TUSC3: variants seen among roughly 807,000 people sequenced by gnomAD.
The protein encoded by TUSC3 is tumor suppressor candidate 3.
TUSC3 carries 45 observed loss-of-function variants against 44.8 expected under a neutral mutation model. The observed-to-expected ratio is 1.00, with a 90% CI of 0.79 to 1.29. TUSC3 has a LOEUF of 1.29. TUSC3 is among the 50% of genes most tolerant of loss of function. TUSC3 has a pLI of 0.00. For missense variants in TUSC3, 519 were observed against 437.9 expected, an observed-to-expected ratio of 1.19 and a Z score of -1.65; for synonymous variants, 212 against 152.9, an observed-to-expected ratio of 1.39 and a Z score of -2.85.
At chr8:15,839,278 T>C in the TUSC3 span, among the ~76,000 whole-genome samples, 11 of 152,132 alleles carry the variant, frequency 7.2e-5, no homozygotes, top group African/African-American at 2.7e-4. Flanking sequence ...TGGGGTTTTC[T>C]AAATATACAA....
At chr8:15,458,031 T>C (rs1021835555) in intron 1 of TUSC3, among the ~76,000 whole-genome samples, 1 of 151,928 alleles carries the variant, frequency 6.6e-6, no homozygotes, top group Non-Finnish European at 1.5e-5. Context: ...GGCCAAATAA[T>C]TCAAAACATA....
chr8:15,719,264 CT>C (rs1313053164), intron 6 of TUSC3, among the ~76,000 whole-genome samples: 1 of 152,008 alleles, frequency 6.6e-6, no homozygotes, highest in African/African-American at 2.4e-5. Context: ...GGCCTTCATG[CT>C]GGCCATTATT....
chr8:15,539,354 T>TA (rs1563278528), upstream of TUSC3, among the ~76,000 whole-genome samples: 1 of 130,110 alleles, frequency 7.7e-6, no homozygotes, highest in Admixed American at 7.8e-5. Flanking sequence ...TCTTTTTTTT[T>TA]TTTTTTTTTT....
At chr8:15,449,857 G>A (rs1208972454) in intron 1 of TUSC3, among the ~76,000 whole-genome samples, 1 of 151,812 alleles carries the variant, frequency 6.6e-6, no homozygotes, top group African/African-American at 2.4e-5. Flanking sequence ...TTTTTTTACT[G>A]TACCTTTTTT....
intron 2 of TUSC3, among the ~76,000 whole-genome samples, chr8:15,633,883 A>G (rs990298134): frequency 1.3e-5 from 2 of 152,120 alleles, no homozygotes; most frequent in African/African-American, 4.8e-5. Context: ...ACCCAGAGAA[A>G]CTGATACACC....
At chr8:15,423,118 G>C (rs981547175) in intron 1 of TUSC3, among the ~76,000 whole-genome samples, 2 of 152,046 alleles carry the variant, frequency 1.3e-5, no homozygotes, top group African/African-American at 2.4e-5. Context: ...GTGTTTCTTA[G>C]TTTCTTATAA....
chr8:15,743,471 C>A, intron 7 of TUSC3, 67 bp from the exon 8 acceptor site: 1 of 1,525,054 alleles, frequency 6.6e-7, no homozygotes, highest in Non-Finnish European at 9.1e-7. Context: ...ACATTGTGTT[C>A]AGAGCCAGAA....
At chr8:15,529,858 C>T (rs959229404) in intron 2 of TUSC3, among the ~76,000 whole-genome samples, 1 of 100,208 alleles carries the variant, frequency 1.0e-5, no homozygotes, top group Non-Finnish European at 1.8e-5. Flanking sequence ...ACTGCAATGG[C>T]GCAATCTCGG....
At chr8:15,798,650 G>GGGGT in the TUSC3 span, among the ~76,000 whole-genome samples, 1 of 87,490 alleles carries the variant, frequency 1.1e-5, no homozygotes, top group African/African-American at 6.5e-5. Flanking sequence ...CTGGGTGTGT[G>GGGGT]GGGGGGGTCC....
At chr8:15,782,229 T>G in the TUSC3 span, among the ~76,000 whole-genome samples, 1 of 152,166 alleles carries the variant, frequency 6.6e-6, no homozygotes, top group African/African-American at 2.4e-5. Context: ...TCCCAGCACT[T>G]TGGGATGCCA....
intron 6 of TUSC3, among the ~76,000 whole-genome samples, chr8:15,712,422 G>T (rs1359239950): frequency 6.6e-6 from 1 of 151,958 alleles, no homozygotes; most frequent in Non-Finnish European, 1.5e-5. Flanking sequence ...CCAAAACCAA[G>T]ATCTTCAACT....
chr8:15,765,874 A>T lies in TUSC3; in HGVS notation c.*1718A>T, dbSNP rs1812311781. 6.6e-6 allele frequency: 1 copy of T among 152,094 alleles called. No homozygotes were observed. Among genetic ancestry groups the T allele is most frequent in the African/African-American group, 2.4e-5 (1 of 41,446 alleles). The allele number at this position is 152,094 out of a possible 1,614,324, so 9.4% of individuals were successfully genotyped here. Reference sequence around the variant, plus strand: ...CTTCATACATAGAGACTCTCAGGTCAAATTTTACAAGTATTAAACATTTGT... The same window carrying T: ...CTTCATACATAGAGACTCTCAGGTCTAATTTTACAAGTATTAAACATTTGT... On this transcript the variant is annotated 3_prime_UTR_variant, in exon 11 of 11. Coordinates refer to ENST00000503731, the MANE Select transcript of TUSC3 (RefSeq NM_006765.4).
the TUSC3 span, among the ~76,000 whole-genome samples, chr8:15,826,971 G>A: frequency 6.6e-6 from 1 of 152,268 alleles, no homozygotes; most frequent in South Asian, 2.1e-4. Context: ...GAATTTGATT[G>A]CTGCAGAGGT....
chr8:15,743,303 T>C, intron 7 of TUSC3: 1 of 524,730 alleles, frequency 1.9e-6, no homozygotes, highest in Non-Finnish European at 3.4e-6. Flanking sequence ...TTTAAGAACC[T>C]TTGGAATTAG....
At chr8:15,804,468 C>T in the TUSC3 span, among the ~76,000 whole-genome samples, 44 of 152,210 alleles carry the variant, frequency 2.9e-4, no homozygotes, top group South Asian at 7.9e-3. Context: ...TGAGGTCTTA[C>T]ATTTACATTT....
At chr8:15,777,048 C>T in the TUSC3 span, among the ~76,000 whole-genome samples, 9 of 152,106 alleles carry the variant, frequency 5.9e-5, no homozygotes, top group African/African-American at 2.2e-4. Flanking sequence ...TTTACATGTT[C>T]TCGGTTTTTA....
chr8:15,784,032 G>A, the TUSC3 span, among the ~76,000 whole-genome samples: 1 of 152,064 alleles, frequency 6.6e-6, no homozygotes, highest in Admixed American at 6.6e-5. Context: ...TTTTAAAAAT[G>A]GGCAATGGAC....
At chr8:15,751,477 T>A (rs1811700911) in intron 9 of TUSC3, among the ~76,000 whole-genome samples, 1 of 152,124 alleles carries the variant, frequency 6.6e-6, no homozygotes, top group Non-Finnish European at 1.5e-5. Flanking sequence ...TACTACCGGT[T>A]CTCACTCTCT....
At chr8:15,848,087 C>T in the TUSC3 span, among the ~76,000 whole-genome samples, 1 of 152,140 alleles carries the variant, frequency 6.6e-6, no homozygotes, top group Non-Finnish European at 1.5e-5. Flanking sequence ...CCTCTTCCTT[C>T]CCCGTGCCAA....
Sources: gnomAD v4.1 joint callset for allele counts (sites outside exome capture counted in the v4.1 genomes callset) on GRCh38, gnomAD v4.1.1 for gene constraint, MANE v1.5 for transcripts, NCBI Gene and HGNC (gene_info 2026-07-23, HGNC 2026-07-21) for gene names.